RSU1: variants seen among roughly 807,000 people sequenced by gnomAD.
The protein encoded by RSU1 is rsu-1.
RSU1 carries 26 observed loss-of-function variants against 31.1 expected under a neutral mutation model. The observed-to-expected ratio is 0.84, with a 90% CI of 0.61 to 1.16. RSU1 has a LOEUF of 1.16. Among genes scored for constraint, RSU1 ranks in the 50% most tolerant of loss-of-function variants. The probability of loss-of-function intolerance (pLI) is 0.00; values close to 1 mark genes in which losing one functional copy is unlikely to be tolerated. For synonymous variants in RSU1, 164 were observed against 136.3 expected (o/e 1.20, Z -1.41); for missense variants, 320 against 339.1 (o/e 0.94, Z 0.44).
chr10:16,692,922 T>A (rs1348089000), intron 8 of RSU1, among the ~76,000 whole-genome samples: 1 of 152,186 alleles, frequency 6.6e-6, no homozygotes, highest in Non-Finnish European at 1.5e-5. Flanking sequence ...GGATACGGTA[T>A]CATTTTGGCA....
intron 7 of RSU1, among the ~76,000 whole-genome samples, chr10:16,747,170 C>A (rs529930543): frequency 1.3e-5 from 2 of 152,188 alleles, no homozygotes; most frequent in Non-Finnish European, 2.9e-5. Context: ...CATTAACATC[C>A]TCGATCCTTC....
chr10:16,720,115 T>C (rs1245626313), intron 7 of RSU1, among the ~76,000 whole-genome samples: 1 of 152,218 alleles, frequency 6.6e-6, no homozygotes, highest in Non-Finnish European at 1.5e-5. Flanking sequence ...GGACATTTGC[T>C]TTCCTTCCCG....
At position 16,739,171 on chromosome 10, in the gene RSU1, T is replaced by C. The variant is rs1836699291; in HGVS notation, c.598+13368A>G. Among the ~76,000 whole-genome samples the C allele has an allele frequency of 3.3e-5, 5 of 152,230 alleles. No homozygotes were observed. The South Asian group carries it at 8.3e-4, about 25-fold the overall frequency. On this transcript the variant is annotated intron_variant, in intron 7 of 8. Transcript: ENST00000345264. ...ATTGTAAATAGTGCTGCAATAAACATACATGCACATGTATCTTCATAGTAG... is the reference window on the plus strand; with the variant it reads ...ATTGTAAATAGTGCTGCAATAAACACACATGCACATGTATCTTCATAGTAG...
chr10:16,636,007 T>C (rs1474868998), intron 8 of RSU1, among the ~76,000 whole-genome samples: 1 of 152,248 alleles, frequency 6.6e-6, no homozygotes, highest in Non-Finnish European at 1.5e-5. Context: ...CATGACTGGC[T>C]GCTCCTCCTC....
rs149875039 is a variant in RSU1, at chr10:16,740,816, T to C, written c.598+11723A>G. Among the ~76,000 whole-genome samples, 3 of 152,260 alleles carry C rather than the reference T, an allele frequency of 2.0e-5. No homozygotes were observed. In the South Asian group the frequency reaches 6.2e-4, roughly 32 times the overall value. On this transcript the variant is annotated intron_variant, in intron 7 of 8. Transcript: ENST00000345264. ...TACTGAAAGAAATCGAAGATCTAAA[T>C]AAATGGAAAAAATATCCCATGTTCA...
rs547866201 is a variant in RSU1, at chr10:16,684,337, T to C, written c.731+10686A>G. On this transcript the variant is annotated intron_variant, in intron 8 of 8. Coordinates refer to ENST00000345264, the MANE Select transcript of RSU1 (RefSeq NM_012425.4). The stretch of plus-strand genomic sequence containing the variant: ...TTAAATAAAACCCATCTGATAAGAA[T>C]TTATGGTTAGTAGGGCATGACTCCC... Among the ~76,000 whole-genome samples the C allele has an allele frequency of 4.6e-5, 7 of 152,274 alleles. No homozygotes were observed. In the South Asian group the frequency reaches 1.5e-3, roughly 32 times the overall value.
At chr10:16,596,469 T>C (rs961814128) in intron 8 of RSU1, among the ~76,000 whole-genome samples, 6 of 152,304 alleles carry the variant, frequency 3.9e-5, no homozygotes, top group African/African-American at 1.4e-4. Context: ...ACTGACTCAA[T>C]GCTCAAGGGC....
At chr10:16,698,659 C>T (rs1042472197) in intron 7 of RSU1, among the ~76,000 whole-genome samples, 13 of 152,080 alleles carry the variant, frequency 8.5e-5, no homozygotes, top group African/African-American at 2.7e-4. Context: ...TCAGTGGAGA[C>T]GGCAGAGGCA....
rs116907560 is a variant in RSU1, at chr10:16,752,991, C to T, written c.410G>A (p.Arg137His). The T allele has an allele frequency of 1.2e-4, 192 of 1,613,796 alleles. No homozygotes were observed. Among genetic ancestry groups the T allele is most frequent in the South Asian group, 2.9e-4 (26 of 91,068 alleles). ...PGNFFYLTTL[R>H]ALYLSDNDFE... is the part of the protein sequence containing the mutation. ...ATCGTTGTCACTTAGATAGAGTGCACGCAGGGTGGCTGCAAATTAAACAGC... is the reference window on the plus strand; with the variant it reads ...ATCGTTGTCACTTAGATAGAGTGCATGCAGGGTGGCTGCAAATTAAACAGC... Residue 137 changes from arginine to histidine, a missense_variant, in exon 6 of 9, where the codon CGT (arginine) becomes CAT (histidine). Transcript: ENST00000345264.
At chr10:16,793,901 G>C (rs1331071589) in intron 2 of RSU1, among the ~76,000 whole-genome samples, 1 of 151,792 alleles carries the variant, frequency 6.6e-6, no homozygotes, top group East Asian at 1.9e-4. Context: ...GTCTGTGAGG[G>C]TGTTTCCAGA....
chr10:16,651,755 T>G (rs1463450644), intron 8 of RSU1, among the ~76,000 whole-genome samples: 1 of 152,240 alleles, frequency 6.6e-6, no homozygotes, highest in Non-Finnish European at 1.5e-5. Context: ...CAAATCTCAA[T>G]AGTACTTTAA....
intron 2 of RSU1, 78 bp from the exon 3 acceptor site, chr10:16,782,162 G>T: frequency 8.9e-7 from 1 of 1,129,720 alleles, no homozygotes; most frequent in Non-Finnish European, 1.3e-6. Flanking sequence ...CTCCTACAAA[G>T]CAAACGGCAA....
chr10:16,665,767 T>C (rs1468122685), intron 8 of RSU1, among the ~76,000 whole-genome samples: 9 of 152,226 alleles, frequency 5.9e-5, no homozygotes, highest in South Asian at 2.1e-4. Context: ...TAAGACATGC[T>C]GACACTGAAG....
chr10:16,609,923 C>T (rs922205379), intron 8 of RSU1, among the ~76,000 whole-genome samples: 5 of 152,088 alleles, frequency 3.3e-5, no homozygotes, highest in Non-Finnish European at 5.9e-5. Flanking sequence ...TGCAGAATAG[C>T]GCTGTCCAAA....
chr10:16,812,284 A>T (rs2131280317), intron 2 of RSU1, among the ~76,000 whole-genome samples: 1 of 152,332 alleles, frequency 6.6e-6, no homozygotes, highest in South Asian at 2.1e-4. Context: ...TCTACTAAAA[A>T]TATAAAAATT....
At chr10:16,726,265 A>T (rs1319117122) in intron 7 of RSU1, among the ~76,000 whole-genome samples, 2 of 138,688 alleles carry the variant, frequency 1.4e-5, no homozygotes, top group African/African-American at 6.3e-5. Flanking sequence ...TTAGGAACGT[A>T]TCTTTTTTTT....
chr10:16,709,791 C>T (rs937863133), intron 7 of RSU1, among the ~76,000 whole-genome samples: 1 of 152,088 alleles, frequency 6.6e-6, no homozygotes, highest in East Asian at 1.9e-4. Flanking sequence ...GCATAAATGT[C>T]TTCTTTTGAG....
In RSU1 at chr10:16,811,085, C is replaced by T. The variant is rs551556259; in HGVS notation, c.109+5888G>A. 2.0e-4 allele frequency among the ~76,000 whole-genome samples: 30 copies of T among 152,218 alleles called. 1 individual carries two copies. In the South Asian group the frequency reaches 5.8e-3, roughly 29 times the overall value. On this transcript the variant is annotated intron_variant, in intron 2 of 8. Coordinates refer to ENST00000345264, the MANE Select transcript of RSU1 (RefSeq NM_012425.4). ...GGTCCCACGAGATAACAATAATGTACTATATTTTTACTGTATGTTTTTGTA... is the reference window on the plus strand; with the variant it reads ...GGTCCCACGAGATAACAATAATGTATTATATTTTTACTGTATGTTTTTGTA...
At chr10:16,744,035 T>G (rs968988065) in intron 7 of RSU1, among the ~76,000 whole-genome samples, 2 of 150,484 alleles carry the variant, frequency 1.3e-5, no homozygotes, top group Admixed American at 6.6e-5. Flanking sequence ...AAGGCTGAGG[T>G]GCAAGGATCA....
Sources: allele counts gnomAD v4.1 joint callset (sites outside exome capture counted in the v4.1 genomes callset), GRCh38; gene constraint gnomAD v4.1.1; transcripts MANE v1.5; gene names NCBI Gene and HGNC (gene_info 2026-07-23, HGNC 2026-07-21).